SCHIP1: variants seen among roughly 807,000 people sequenced by gnomAD.
SCHIP1 encodes schwannomin-interacting protein 1.
SCHIP1 carries 8 observed loss-of-function variants against 29.7 expected under a neutral mutation model. The ratio of observed to expected loss-of-function variants is 0.27; its 90% CI spans 0.16 to 0.49. The LOEUF (loss-of-function observed/expected upper bound fraction) is 0.49. SCHIP1 is among the 20% of genes least tolerant of loss of function. The pLI, the probability that SCHIP1 is intolerant of heterozygous loss-of-function variation, is 0.99. For synonymous variants in SCHIP1, 76 were observed against 94.9 expected (o/e 0.80, Z 1.16); for missense variants, 193 against 294.6 (o/e 0.66, Z 2.52).
chr3:159,703,797 G>A, the SCHIP1 span, among the ~76,000 whole-genome samples: 3 of 152,122 alleles, frequency 2.0e-5, no homozygotes, highest in East Asian at 1.9e-4. Context: ...AGTCATTCTG[G>A]TTGGTCTACA....
the SCHIP1 span, among the ~76,000 whole-genome samples, chr3:159,531,004 A>G: frequency 3.3e-5 from 5 of 152,218 alleles, no homozygotes; most frequent in South Asian, 2.1e-4. Flanking sequence ...GTTCACTGCC[A>G]TCATCCAGAG....
At chr3:159,704,149 A>G in the SCHIP1 span, among the ~76,000 whole-genome samples, 32 of 152,242 alleles carry the variant, frequency 2.1e-4, no homozygotes, top group African/African-American at 7.0e-4. Context: ...CTAAAATTGC[A>G]CTAGGCCAGG....
chr3:159,713,238 A>AAG, the SCHIP1 span, among the ~76,000 whole-genome samples: 1 of 41,480 alleles, frequency 2.4e-5, no homozygotes, highest in African/African-American at 1.0e-4. Flanking sequence ...GAAAGGAAGA[A>AAG]AGAAAGAAAG....
At chr3:159,744,568 C>T in the SCHIP1 span, among the ~76,000 whole-genome samples, 5 of 152,324 alleles carry the variant, frequency 3.3e-5, no homozygotes, top group African/African-American at 1.2e-4. Flanking sequence ...TGATTTAGCA[C>T]ATTTTCCTGT....
the SCHIP1 span, among the ~76,000 whole-genome samples, chr3:159,275,635 C>T: frequency 6.6e-6 from 1 of 152,124 alleles, no homozygotes; most frequent in African/African-American, 2.4e-5. Context: ...TATTATCCAG[C>T]ACACACATTT....
chr3:159,501,075 C>T, the SCHIP1 span, among the ~76,000 whole-genome samples: 551 of 152,256 alleles, frequency 3.6e-3, 8 homozygotes, highest in African/African-American at 0.013. Flanking sequence ...TTACTCAATG[C>T]TTTTCTGGAA....
At chr3:159,855,073 G>A (rs990647237) in intron 1 of SCHIP1, among the ~76,000 whole-genome samples, 1 of 152,176 alleles carries the variant, frequency 6.6e-6, no homozygotes, top group Non-Finnish European at 1.5e-5. Context: ...TGATAGGTTA[G>A]TACAAAAAAA....
the SCHIP1 span, among the ~76,000 whole-genome samples, chr3:159,633,921 C>T: frequency 5.9e-5 from 9 of 151,912 alleles, no homozygotes; most frequent in Non-Finnish European, 8.8e-5. Context: ...CATACATGGA[C>T]CTACGCATAA....
At chr3:159,293,247 C>T in the SCHIP1 span, among the ~76,000 whole-genome samples, 1 of 152,192 alleles carries the variant, frequency 6.6e-6, no homozygotes, top group Non-Finnish European at 1.5e-5. Context: ...TTTGAATATT[C>T]ACTATGTCCT....
At chr3:159,843,001 C>G (rs3935172) in intron 1 of SCHIP1, among the ~76,000 whole-genome samples, 1 of 63,710 alleles carries the variant, frequency 1.6e-5, no homozygotes, top group Non-Finnish European at 3.3e-5. Flanking sequence ...ATATTTCTTT[C>G]TTTTTTTTTT....
chr3:159,365,232 G>A, the SCHIP1 span, among the ~76,000 whole-genome samples: 1 of 152,120 alleles, frequency 6.6e-6, no homozygotes, highest in Non-Finnish European at 1.5e-5. Context: ...TGCCTCTATT[G>A]ATATTGCTCC....
chr3:159,682,643 G>A, the SCHIP1 span, among the ~76,000 whole-genome samples: 42 of 152,246 alleles, frequency 2.8e-4, no homozygotes, highest in South Asian at 1.5e-3. Context: ...AGAATTGACA[G>A]AGCGTCTGGT....
chr3:159,424,199 C>T, the SCHIP1 span, among the ~76,000 whole-genome samples: 1 of 152,266 alleles, frequency 6.6e-6, no homozygotes, highest in African/African-American at 2.4e-5. Context: ...CGGAGAATGA[C>T]TTTGACGAGT....
the SCHIP1 span, among the ~76,000 whole-genome samples, chr3:159,550,934 TTTATA>T: frequency 6.6e-6 from 1 of 152,230 alleles, no homozygotes; most frequent in East Asian, 1.9e-4. Context: ...GTGAGTTAAC[TTTATA>T]TTATTTTATT....
At chr3:159,661,145 GC>G in the SCHIP1 span, among the ~76,000 whole-genome samples, 2 of 152,108 alleles carry the variant, frequency 1.3e-5, no homozygotes, top group Admixed American at 6.5e-5. Context: ...CAAAAAGGGG[GC>G]AATAATTATT....
the SCHIP1 span, among the ~76,000 whole-genome samples, chr3:159,730,991 C>T: frequency 6.6e-6 from 1 of 152,166 alleles, no homozygotes; most frequent in Non-Finnish European, 1.5e-5. Flanking sequence ...TGGCCTTTGT[C>T]CTTAAAACTC....
chr3:159,401,070 T>C, the SCHIP1 span: 10 of 404,982 alleles, frequency 2.5e-5, no homozygotes, highest in Non-Finnish European at 3.0e-5. Context: ...ACTAAATGAA[T>C]GCAAGTGATA....
chr3:159,721,776 C>T, the SCHIP1 span: 66,276 of 442,460 alleles, frequency 0.15, 5,625 homozygotes, highest in African/African-American at 0.24. Flanking sequence ...TCTTGTTCTG[C>T]TGTTCTTCCC....
chr3:159,632,026 C>CA, the SCHIP1 span, among the ~76,000 whole-genome samples: 12 of 149,386 alleles, frequency 8.0e-5, no homozygotes, highest in Admixed American at 2.0e-4. Flanking sequence ...AGAAAGAAAA[C>CA]AAAAAAAAAT....
Sources: gnomAD v4.1 joint callset for allele counts (sites outside exome capture counted in the v4.1 genomes callset) on GRCh38, gnomAD v4.1.1 for gene constraint, MANE v1.5 for transcripts, NCBI Gene and HGNC (gene_info 2026-07-23, HGNC 2026-07-21) for gene names.